Variants in CSTA observed in about 807,000 individuals in gnomAD.
CSTA encodes cystatin A, also known as cystatin-A.
A neutral mutation model predicts 9.2 loss-of-function variants in CSTA; 9 were observed. That is an observed-to-expected ratio of 0.97 (90% CI 0.59 to 1.70). The LOEUF is 1.70. Among genes scored for constraint, CSTA ranks in the 40% most tolerant of loss-of-function variants. CSTA has a pLI of 0.00. For missense variants in CSTA, 118 were observed against 113.1 expected (o/e 1.04, Z -0.20); for synonymous variants, 36 against 40.6 (o/e 0.89, Z 0.43).
intron 1 of CSTA, among the ~76,000 whole-genome samples, chr3:122,327,848 T>TA (rs1290717645): frequency 6.6e-6 from 1 of 152,116 alleles, no homozygotes; most frequent in Non-Finnish European, 1.5e-5. Context: ...TAATGATTTT[T>TA]AAAAAAATCT....
chr3:122,325,963 T>C (rs2107664307), intron 1 of CSTA, among the ~76,000 whole-genome samples: 1 of 152,254 alleles, frequency 6.6e-6, no homozygotes, highest in African/African-American at 2.4e-5. Context: ...TATGGAAAAA[T>C]AGAACTCAAT....
intron 1 of CSTA, among the ~76,000 whole-genome samples, chr3:122,328,499 C>CAAAAAA (rs34247215): frequency 1.2e-5 from 1 of 86,032 alleles, no homozygotes; most frequent in Non-Finnish European, 2.2e-5. Context: ...GATTCCATCT[C>CAAAAAA]AAAAAAAAAA....
At chr3:122,333,937 TA>T (rs2075222283) in intron 1 of CSTA, among the ~76,000 whole-genome samples, 1 of 152,252 alleles carries the variant, frequency 6.6e-6, no homozygotes, top group Non-Finnish European at 1.5e-5. Flanking sequence ...AAATGAGGTT[TA>T]AATGGATACT....
chr3:122,333,590 A>AGAAAGAAAGAAAGAAAGAAAGAAG (rs1413196014), intron 1 of CSTA, among the ~76,000 whole-genome samples: 2 of 141,148 alleles, frequency 1.4e-5, no homozygotes, highest in South Asian at 2.2e-4. Flanking sequence ...AAAGAAAGAA[A>AGAAAGAAAGAAAGAAAGAAAGAAG]GAAGAAAGAG....
chr3:122,341,523 T>C lies in CSTA; in HGVS notation c.253T>C (p.Tyr85His). 10 of 1,614,160 alleles carry C rather than the reference T, an allele frequency of 6.2e-6. No homozygotes were observed. The highest frequency in any genetic ancestry group is 1.1e-5 in the South Asian group (1 of 91,082). ...AAATGAGGACTTGGTACTTACTGGA[T>C]ACCAGGTTGACAAAAACAAGGATGA... ...GQNEDLVLTGYQVDKNKDDEL... is the reference protein window; with the variant it reads ...GQNEDLVLTGHQVDKNKDDEL... Residue 85 changes from tyrosine to histidine, a missense_variant, in exon 3 of 3, where the codon TAC (tyrosine) becomes CAC (histidine). By Grantham distance (83) the Tyr-to-His change is moderately conservative. Coordinates refer to ENST00000264474, the MANE Select transcript of CSTA (RefSeq NM_005213.4).
At chr3:122,334,506 C>T (rs555531078) in intron 1 of CSTA, among the ~76,000 whole-genome samples, 1 of 152,052 alleles carries the variant, frequency 6.6e-6, no homozygotes, top group African/African-American at 2.4e-5. Context: ...ACAAAAAAAA[C>T]CTGCCCACTG....
chr3:122,339,154 C>T (rs1354290240), intron 2 of CSTA, among the ~76,000 whole-genome samples: 1 of 152,194 alleles, frequency 6.6e-6, no homozygotes, highest in Non-Finnish European at 1.5e-5. Flanking sequence ...GGACCACAAG[C>T]TTAGGTGTCA....
intron 2 of CSTA, among the ~76,000 whole-genome samples, chr3:122,340,841 G>A (rs71329268): frequency 0.094 from 14,338 of 152,070 alleles, 1,315 homozygotes; most frequent in East Asian, 0.44. Flanking sequence ...CTTGCTCCAT[G>A]CATCTTTGAA....
chr3:122,331,104 A>AAC (rs10575257), intron 1 of CSTA, among the ~76,000 whole-genome samples: 9,485 of 141,064 alleles, frequency 0.067, 468 homozygotes, highest in African/African-American at 0.15. Flanking sequence ...GCACACAACA[A>AAC]ACACACACAC....
intron 1 of CSTA, among the ~76,000 whole-genome samples, chr3:122,329,086 C>T (rs992155638): frequency 1.4e-4 from 21 of 151,590 alleles, no homozygotes; most frequent in Admixed American, 1.3e-3. Flanking sequence ...CTGCCTCAGC[C>T]CCCCGAGTAG....
chr3:122,333,583 G>C (rs1236335498), intron 1 of CSTA, among the ~76,000 whole-genome samples: 4 of 116,702 alleles, frequency 3.4e-5, no homozygotes, highest in African/African-American at 1.4e-4. Context: ...AAGAAAGAAA[G>C]AAAGAAAGAA....
At chr3:122,329,619 T>C (rs923136949) in intron 1 of CSTA, among the ~76,000 whole-genome samples, 2 of 152,172 alleles carry the variant, frequency 1.3e-5, no homozygotes, top group Non-Finnish European at 2.9e-5. Flanking sequence ...AATCATTTCA[T>C]AGTAGGTGCA....
intron 1 of CSTA, among the ~76,000 whole-genome samples, chr3:122,333,257 T>C (rs2075214346): frequency 6.6e-6 from 1 of 152,170 alleles, no homozygotes; most frequent in African/African-American, 2.4e-5. Flanking sequence ...ACCCCTGTAA[T>C]CCCAGCACTT....
rs2075201457 is a variant in CSTA at position 122,331,043 on chromosome 3, T to C, written c.66+5685T>C. Among the ~76,000 whole-genome samples the C allele has an allele frequency of 2.0e-5, 3 of 151,884 alleles. No individual in the cohort carries two copies. The South Asian group carries it at 6.2e-4, about 32-fold the overall frequency. On this transcript the variant is annotated intron_variant, in intron 1 of 2. Coordinates refer to ENST00000264474, the MANE Select transcript of CSTA (RefSeq NM_005213.4). ...AGCATATTTATGAGAAGGAAAGAAA[T>C]GTTATTTAATTGTTTTTAGAGGTAA...
At chr3:122,334,826 G>C (rs1000970691) in intron 1 of CSTA, among the ~76,000 whole-genome samples, 1 of 152,188 alleles carries the variant, frequency 6.6e-6, no homozygotes, top group African/African-American at 2.4e-5. Context: ...TAAGCCCATA[G>C]AGGGGAAAGT....
At chr3:122,326,594 G>A (rs1327139014) in intron 1 of CSTA, among the ~76,000 whole-genome samples, 1 of 152,216 alleles carries the variant, frequency 6.6e-6, no homozygotes, top group Non-Finnish European at 1.5e-5. Context: ...TAAGGGGCCA[G>A]ATGCCTAGAA....
At position 122,337,657 on chromosome 3, in the gene CSTA, T is replaced by A. The variant is rs772234225; in HGVS notation, c.168+9T>A. On this transcript the variant is annotated intron_variant, in intron 2 of 2. Transcript: ENST00000264474. ...CAAATTACTACATTAAGGTTAGAGT[T>A]CAGCACCTACTTTAGCGCCAAAAGA... 6.6e-7 allele frequency: 1 copy of A among 1,518,396 alleles called. No homozygotes were observed. The highest frequency in any genetic ancestry group is 1.7e-5 in the Admixed American group (1 of 59,906). 94.1% of individuals were successfully genotyped at this position (1,518,396 alleles called of 1,614,324 possible).
At chr3:122,334,427 T>G (rs570405906) in intron 1 of CSTA, among the ~76,000 whole-genome samples, 3 of 151,996 alleles carry the variant, frequency 2.0e-5, no homozygotes, top group Non-Finnish European at 4.4e-5. Flanking sequence ...CAGTGAACTA[T>G]GATCACGCCA....
At chr3:122,328,220 AC>A (rs1169689348) in intron 1 of CSTA, among the ~76,000 whole-genome samples, 2 of 152,146 alleles carry the variant, frequency 1.3e-5, no homozygotes, top group Non-Finnish European at 2.9e-5. Flanking sequence ...ACTTAATTAA[AC>A]TGGGCATGGT....
Sources: gnomAD v4.1 joint callset for allele counts (sites outside exome capture counted in the v4.1 genomes callset) on GRCh38, gnomAD v4.1.1 for gene constraint, MANE v1.5 for transcripts, NCBI Gene and HGNC (gene_info 2026-07-23, HGNC 2026-07-21) for gene names.